Variants in FMN1 observed in about 807,000 individuals in gnomAD.
FMN1 encodes the protein formin-1.
In FMN1, 110 loss-of-function variants were observed where a neutral mutation model predicts 132.4. That is an observed-to-expected ratio of 0.83 (90% CI 0.71 to 0.97). The LOEUF is 0.97. Among genes scored for constraint, FMN1 ranks in the 50% least tolerant of loss-of-function variants. FMN1 has a pLI of 0.00. For synonymous variants in FMN1, 722 were observed against 651.7 expected, an observed-to-expected ratio of 1.11 and a Z score of -1.64; for missense variants, 1,792 against 1,705.3, an observed-to-expected ratio of 1.05 and a Z score of -0.90.
At chr15:32,786,285 G>A (rs1030141081) in intron 19 of FMN1, among the ~76,000 whole-genome samples, 3 of 152,112 alleles carry the variant, frequency 2.0e-5, no homozygotes, top group Non-Finnish European at 4.4e-5. Flanking sequence ...GTCAATTCTG[G>A]CCTATGGTCC....
At chr15:32,944,551 C>G (rs1234746954) in intron 9 of FMN1, among the ~76,000 whole-genome samples, 1 of 152,166 alleles carries the variant, frequency 6.6e-6, no homozygotes, top group Non-Finnish European at 1.5e-5. Flanking sequence ...TTTTTGGGGA[C>G]ACATAAAATT....
chr15:33,121,096 G>A (rs911236382), intron 4 of FMN1, among the ~76,000 whole-genome samples: 6 of 151,082 alleles, frequency 4.0e-5, no homozygotes, highest in East Asian at 1.9e-4. Flanking sequence ...AGGTTGGCTA[G>A]ATGATGTTGT....
At position 33,153,979 on chromosome 15, in the gene FMN1, C is replaced by T; in HGVS notation, c.936G>A (p.Glu312=). 6.5e-7 allele frequency: 1 copy of T among 1,536,746 alleles called. No individual in the cohort carries two copies. Among genetic ancestry groups the T allele is most frequent in the Non-Finnish European group, 8.7e-7 (1 of 1,147,060 alleles). ...AAGTCCGCTTAGCCGGCTTCTCCAT[C>T]TCATCCTTTTCTGCCTCTGGATGCT... ...PEKHPEAEKD[E]MEKPAKRTCK... The change falls in exon 4 of 21, where the codon GAG becomes GAA. Residue 312 remains glutamate, a synonymous_variant. Transcript: ENST00000616417.
intron 17 of FMN1, among the ~76,000 whole-genome samples, chr15:32,833,614 TA>T (rs1298347753): frequency 6.6e-6 from 1 of 152,174 alleles, no homozygotes; most frequent in Non-Finnish European, 1.5e-5. Flanking sequence ...TTAGCTGAGT[TA>T]AAAGGGTTAA....
At chr15:33,025,134 A>G (rs2035607173) in intron 6 of FMN1, among the ~76,000 whole-genome samples, 1 of 152,220 alleles carries the variant, frequency 6.6e-6, no homozygotes, top group Non-Finnish European at 1.5e-5. Flanking sequence ...ATATATTTGT[A>G]ATGTTTTATT....
At chr15:33,068,730 G>C (rs1395212118) in intron 5 of FMN1, among the ~76,000 whole-genome samples, 1 of 152,086 alleles carries the variant, frequency 6.6e-6, no homozygotes, top group African/African-American at 2.4e-5. Context: ...ACTGGTTTCA[G>C]ATGACTGCTG....
rs182215167 is a variant in FMN1, at chr15:33,122,052, G to C, written c.1867+30996C>G. Reference sequence around the variant, plus strand: ...GGAGCACAATACAGTCAGGCCAATAGACAAAGAACAGACAAATAAAGAATA... The same window carrying C: ...GGAGCACAATACAGTCAGGCCAATACACAAAGAACAGACAAATAAAGAATA... On this transcript the variant is annotated intron_variant, in intron 4 of 20. Transcript: ENST00000616417. Among the ~76,000 whole-genome samples the C allele has an allele frequency of 4.0e-3, 610 of 151,704 alleles. 4 individuals carry two copies. The highest frequency in any genetic ancestry group is 0.013 in the African/African-American group (557 of 41,532).
At chr15:32,929,114 A>G (rs895994475) in intron 9 of FMN1, among the ~76,000 whole-genome samples, 3 of 152,224 alleles carry the variant, frequency 2.0e-5, no homozygotes, top group African/African-American at 7.2e-5. Flanking sequence ...TAATGCCTTA[A>G]AACGTTTTTG....
chr15:32,864,679 A>G (rs768954428), intron 16 of FMN1, among the ~76,000 whole-genome samples: 1 of 152,232 alleles, frequency 6.6e-6, no homozygotes, highest in Admixed American at 6.5e-5. Flanking sequence ...TCAAAATATT[A>G]TCTCAGAATA....
chr15:32,919,284 T>C (rs78433242), intron 10 of FMN1, among the ~76,000 whole-genome samples: 1,936 of 152,218 alleles, frequency 0.013, 39 homozygotes, highest in African/African-American at 0.045. Flanking sequence ...CCATCAACAA[T>C]AGGAAAATGG....
intron 4 of FMN1, among the ~76,000 whole-genome samples, chr15:33,098,707 T>C (rs76686209): frequency 3.3e-4 from 51 of 152,290 alleles, no homozygotes; most frequent in African/African-American, 1.2e-3. Context: ...AACAGGAGGA[T>C]GAGGTTGTGT....
At chr15:33,019,724 G>T (rs957732439) in intron 6 of FMN1, among the ~76,000 whole-genome samples, 2 of 152,232 alleles carry the variant, frequency 1.3e-5, no homozygotes, top group African/African-American at 4.8e-5. Context: ...TTGCCTGAGT[G>T]CTAAGCCCCT....
chr15:32,888,335 G>A (rs1361279643), intron 15 of FMN1, 43 bp from the exon 16 acceptor site: 2 of 1,493,018 alleles, frequency 1.3e-6, no homozygotes, highest in Non-Finnish European at 1.8e-6. Context: ...CTTCCCAATT[G>A]TCACTTTCAG....
intron 4 of FMN1, among the ~76,000 whole-genome samples, chr15:33,125,721 TAAG>T (rs1318913658): frequency 1.3e-5 from 2 of 148,776 alleles, no homozygotes; most frequent in Non-Finnish European, 1.5e-5. Flanking sequence ...AAAAAAAAAT[TAAG>T]AATGAAGTCT....
intron 7 of FMN1, among the ~76,000 whole-genome samples, chr15:32,985,188 ATAAC>A (rs776766538): frequency 7.2e-5 from 11 of 152,094 alleles, no homozygotes; most frequent in Non-Finnish European, 1.6e-4. Flanking sequence ...GCTCACATAG[ATAAC>A]TAACAGCTTC....
chr15:32,779,683 A>C (rs2056601629), intron 19 of FMN1, among the ~76,000 whole-genome samples: 1 of 152,188 alleles, frequency 6.6e-6, no homozygotes, highest in Non-Finnish European at 1.5e-5. Context: ...ATAACAACTA[A>C]CATTTATTGG....
At chr15:33,066,925 C>T (rs778539483) in intron 5 of FMN1, 6 of 1,613,890 alleles carry the variant, frequency 3.7e-6, no homozygotes, top group Non-Finnish European at 4.2e-6. Flanking sequence ...GCAGCCCTGC[C>T]TGCACTAAGG....
chr15:32,788,570 G>C (rs1192153197), intron 19 of FMN1, among the ~76,000 whole-genome samples: 1 of 152,174 alleles, frequency 6.6e-6, no homozygotes, highest in Non-Finnish European at 1.5e-5. Context: ...GAGTCTCTCT[G>C]GCGCCCCTCA....
intron 6 of FMN1, among the ~76,000 whole-genome samples, chr15:33,028,351 C>T (rs1474462228): frequency 6.6e-6 from 1 of 152,106 alleles, no homozygotes; most frequent in African/African-American, 2.4e-5. Context: ...TCCAAGCTCT[C>T]TGCTATCCAA....
Sources: gnomAD v4.1 joint callset for allele counts (sites outside exome capture counted in the v4.1 genomes callset) on GRCh38, gnomAD v4.1.1 for gene constraint, MANE v1.5 for transcripts, NCBI Gene and HGNC (gene_info 2026-07-23, HGNC 2026-07-21) for gene names.